The following OR51B5 variants were observed in gnomAD, a reference collection of about 807,000 sequenced individuals.
OR51B5 encodes olfactory receptor 51B5.
For synonymous variants in OR51B5, 186 were observed against 144.8 expected (o/e 1.28, Z -2.04); for missense variants, 456 against 374.6 (o/e 1.22, Z -1.79).
At chr11:5,493,824 G>A (rs2133816783) in intron 1 of OR51B5, among the ~76,000 whole-genome samples, 1 of 152,232 alleles carries the variant, frequency 6.6e-6, no homozygotes, top group East Asian at 1.9e-4. Flanking sequence ...TTAGGATTTG[G>A]CTGCCTAGAA....
chr11:5,487,680 T>G (rs1160005922), intron 1 of OR51B5, among the ~76,000 whole-genome samples: 1 of 152,208 alleles, frequency 6.6e-6, no homozygotes, highest in African/African-American at 2.4e-5. Flanking sequence ...CCCCTTCCAG[T>G]CCCTTTATGG....
chr11:5,402,813 G>A (rs1036520548), intron 1 of OR51B5: 14 of 471,502 alleles, frequency 3.0e-5, no homozygotes, highest in Middle Eastern at 6.4e-4. Context: ...GGCACTGGCC[G>A]AGGTTCGTGT....
intron 1 of OR51B5, among the ~76,000 whole-genome samples, chr11:5,423,895 T>C (rs1213539449): frequency 6.6e-6 from 1 of 152,170 alleles, no homozygotes; most frequent in Non-Finnish European, 1.5e-5. Flanking sequence ...GAAGAAAAAC[T>C]CATTTTTTTT....
At chr11:5,470,817 C>T (rs1339790021) in intron 1 of OR51B5, among the ~76,000 whole-genome samples, 1 of 152,188 alleles carries the variant, frequency 6.6e-6, no homozygotes, top group African/African-American at 2.4e-5. Flanking sequence ...CATCCCTCAA[C>T]ATCTTCAACC....
chr11:5,380,007 T>C (rs1849586989), intron 1 of OR51B5, among the ~76,000 whole-genome samples: 1 of 146,240 alleles, frequency 6.8e-6, no homozygotes, highest in Admixed American at 6.8e-5. Context: ...AAAAATAAGC[T>C]ACCCAGACTC....
chr11:5,406,574 T>C (rs1416687250), intron 1 of OR51B5, among the ~76,000 whole-genome samples: 2 of 152,194 alleles, frequency 1.3e-5, no homozygotes, highest in African/African-American at 4.8e-5. Context: ...TTATAAGTCG[T>C]TATATTCAGC....
upstream of OR51B5, among the ~76,000 whole-genome samples, chr11:5,346,059 G>A (rs1245732291): frequency 1.3e-5 from 2 of 152,108 alleles, no homozygotes; most frequent in East Asian, 1.9e-4. Context: ...TGACGTTTCA[G>A]CAATAATCTC....
intron 1 of OR51B5, chr11:5,352,225 G>A (rs1849105547): frequency 1.2e-6 from 2 of 1,614,028 alleles, no homozygotes; most frequent in African/African-American, 1.3e-5. Flanking sequence ...CAACACATGT[G>A]TCTCTCATAT....
At chr11:5,356,324 T>C (rs36187629) in intron 1 of OR51B5, among the ~76,000 whole-genome samples, 55,988 of 150,408 alleles carry the variant, frequency 0.37, 10,682 homozygotes, top group Non-Finnish European at 0.4. Flanking sequence ...AACTACATGA[T>C]GAATGCACAA....
At chr11:5,467,304 G>T (rs952065596) in intron 1 of OR51B5, among the ~76,000 whole-genome samples, 2 of 152,114 alleles carry the variant, frequency 1.3e-5, no homozygotes, top group African/African-American at 2.4e-5. Context: ...TTAATGAGAC[G>T]TTCAGGGGGT....
chr11:5,364,054 G>A (rs1849328164), intron 1 of OR51B5, among the ~76,000 whole-genome samples: 1 of 152,140 alleles, frequency 6.6e-6, no homozygotes, highest in Non-Finnish European at 1.5e-5. Context: ...GGACCTCTGA[G>A]CCAGGTACTA....
At chr11:5,399,954 C>G (rs1409183534) in intron 1 of OR51B5, among the ~76,000 whole-genome samples, 1 of 152,066 alleles carries the variant, frequency 6.6e-6, no homozygotes, top group Admixed American at 6.5e-5. Flanking sequence ...TTCAGTAAGG[C>G]AGCACACGGG....
At chr11:5,476,183 A>G (rs1851302071) in intron 1 of OR51B5, among the ~76,000 whole-genome samples, 2 of 152,162 alleles carry the variant, frequency 1.3e-5, no homozygotes, top group South Asian at 4.1e-4. Context: ...GATTATAACT[A>G]TTTCCCCCCA....
chr11:5,377,195 A>G (rs981763102), intron 1 of OR51B5, among the ~76,000 whole-genome samples: 32 of 152,144 alleles, frequency 2.1e-4, no homozygotes, highest in African/African-American at 7.5e-4. Flanking sequence ...TATAAACAGA[A>G]CCAAAGACAA....
chr11:5,460,480 A>AAT (rs918605830), intron 1 of OR51B5, among the ~76,000 whole-genome samples: 3 of 4,080 alleles, frequency 7.4e-4, no homozygotes, highest in Non-Finnish European at 2.8e-3. Flanking sequence ...TCATCTTTCA[A>AAT]CTCGAGTCAT....
intron 1 of OR51B5, among the ~76,000 whole-genome samples, chr11:5,427,394 G>A (rs911901530): frequency 1.3e-5 from 2 of 152,224 alleles, no homozygotes; most frequent in Non-Finnish European, 2.9e-5. Flanking sequence ...CGTGAGCCAG[G>A]TTTTTCAGAG....
intron 1 of OR51B5, among the ~76,000 whole-genome samples, chr11:5,401,243 A>G (rs908548446): frequency 2.0e-5 from 3 of 152,242 alleles, no homozygotes; most frequent in African/African-American, 7.2e-5. Flanking sequence ...TGTCTGAGCT[A>G]GAAAGAAAAA....
intron 1 of OR51B5, among the ~76,000 whole-genome samples, chr11:5,362,200 C>T (rs1425924123): frequency 1.3e-5 from 2 of 152,140 alleles, no homozygotes; most frequent in East Asian, 3.9e-4. Context: ...CAACCACACC[C>T]AGATAGAGAG....
At chr11:5,353,471 TGTGGAGA>T (rs1849135023) in intron 1 of OR51B5, among the ~76,000 whole-genome samples, 1 of 98,962 alleles carries the variant, frequency 1.0e-5, no homozygotes, top group Non-Finnish European at 2.4e-5. Flanking sequence ...GTTGGTCATA[TGTGGAGA>T]GTGGGGAGGA....
Sources: gnomAD v4.1 joint callset for allele counts (sites outside exome capture counted in the v4.1 genomes callset) on GRCh38, gnomAD v4.1.1 for gene constraint, MANE v1.5 for transcripts, NCBI Gene and HGNC (gene_info 2026-07-23, HGNC 2026-07-21) for gene names.